The following PRKG1 variants were observed in gnomAD, a reference collection of about 807,000 sequenced individuals.
PRKG1 encodes cGMP-dependent protein kinase 1.
PRKG1 carries 35 observed loss-of-function variants against 88.1 expected under a neutral mutation model. The observed-to-expected ratio is 0.40, with a 90% CI of 0.30 to 0.53. PRKG1 has a LOEUF of 0.53. Among genes scored for constraint, PRKG1 ranks in the 20% least tolerant of loss-of-function variants. PRKG1 has a pLI of 0.59. For missense variants in PRKG1, 540 were observed against 839.8 expected (o/e 0.64, Z 4.41); for synonymous variants, 303 against 292.5 (o/e 1.04, Z -0.37).
chr10:51,569,483 GTAA>G (rs1207379972), intron 3 of PRKG1, among the ~76,000 whole-genome samples: 3 of 152,044 alleles, frequency 2.0e-5, no homozygotes, highest in African/African-American at 7.2e-5. Context: ...TATTATAGTA[GTAA>G]TAATAATATC....
intron 2 of PRKG1, among the ~76,000 whole-genome samples, chr10:51,286,306 A>G (rs936913948): frequency 5.3e-5 from 8 of 152,150 alleles, no homozygotes; most frequent in Admixed American, 6.6e-5. Flanking sequence ...TTTCATGTTT[A>G]CAATAATGTG....
At chr10:51,160,576 C>G in intron 2 of PRKG1, among the ~76,000 whole-genome samples, 1 of 152,164 alleles carries the variant, frequency 6.6e-6, no homozygotes, top group East Asian at 1.9e-4. Flanking sequence ...CTGATTGTCT[C>G]TCATATCCAG....
intron 2 of PRKG1, among the ~76,000 whole-genome samples, chr10:51,416,729 C>T (rs773318102): frequency 1.3e-5 from 2 of 152,138 alleles, no homozygotes; most frequent in East Asian, 1.9e-4. Context: ...AAGAGGGTCA[C>T]GTACATTTGC....
intron 4 of PRKG1, among the ~76,000 whole-genome samples, chr10:51,875,934 CCTTTCTTTTCTTT>C (rs145412769): frequency 0.13 from 20,079 of 150,686 alleles, 1,381 homozygotes; most frequent in Admixed American, 0.18. Flanking sequence ...CTCCTTTATT[CCTTTCTTTTCTTT>C]CTTTCTTTTT....
chr10:51,413,733 G>A (rs748654041), intron 2 of PRKG1, among the ~76,000 whole-genome samples: 2 of 152,172 alleles, frequency 1.3e-5, no homozygotes, highest in Non-Finnish European at 2.9e-5. Flanking sequence ...AGATTGAATG[G>A]CACTTTAGAA....
chr10:51,107,589 C>T (rs1205315286), intron 1 of PRKG1, among the ~76,000 whole-genome samples: 2 of 151,882 alleles, frequency 1.3e-5, no homozygotes, highest in African/African-American at 4.8e-5. Context: ...ATAATCCCAG[C>T]ACTTTGGGAG....
chr10:51,022,686 T>A (rs1304813093), intron 1 of PRKG1, among the ~76,000 whole-genome samples: 1 of 152,186 alleles, frequency 6.6e-6, no homozygotes, highest in Non-Finnish European at 1.5e-5. Context: ...TATTATTATT[T>A]TTCCCCAAAA....
intron 3 of PRKG1, among the ~76,000 whole-genome samples, chr10:51,575,120 T>C (rs1837851720): frequency 6.6e-6 from 1 of 152,006 alleles, no homozygotes; most frequent in Non-Finnish European, 1.5e-5. Flanking sequence ...GAGGGAGCCC[T>C]ATATACAGTG....
intron 10 of PRKG1, among the ~76,000 whole-genome samples, chr10:52,270,216 A>T (rs1031851452): frequency 1.3e-5 from 2 of 152,118 alleles, no homozygotes; most frequent in African/African-American, 4.8e-5. Flanking sequence ...TAGAAATGTT[A>T]ACAACAGGTG....
chr10:52,124,352 T>C (rs1392172823), intron 7 of PRKG1, among the ~76,000 whole-genome samples: 1 of 152,230 alleles, frequency 6.6e-6, no homozygotes, highest in African/African-American at 2.4e-5. Context: ...AGCATGTGAC[T>C]GTACTGAATA....
At chr10:51,882,236 A>C (rs1363378601) in intron 4 of PRKG1, among the ~76,000 whole-genome samples, 1 of 152,210 alleles carries the variant, frequency 6.6e-6, no homozygotes. Flanking sequence ...AGATTCCCAA[A>C]GTCCCCCCAG....
chr10:51,554,337 T>TAATATATACACACA (rs1837250373), intron 3 of PRKG1, among the ~76,000 whole-genome samples: 1 of 83,582 alleles, frequency 1.2e-5, no homozygotes, highest in Admixed American at 1.4e-4. Flanking sequence ...CACACATATA[T>TAATATATACACACA]TATATACACA....
At chr10:52,271,203 C>G in intron 10 of PRKG1, 147 bp from the exon 11 acceptor site, 1 of 784,178 alleles carries the variant, frequency 1.3e-6, no homozygotes, top group Non-Finnish European at 1.9e-6. Context: ...GGATGTTAAA[C>G]GCAGCTCTAC....
intron 2 of PRKG1, among the ~76,000 whole-genome samples, chr10:51,406,638 T>A (rs1347942996): frequency 7.1e-6 from 1 of 140,642 alleles, no homozygotes; most frequent in Non-Finnish European, 1.6e-5. Flanking sequence ...TTTTTTTTTT[T>A]ATGAGACCCT....
intron 5 of PRKG1, among the ~76,000 whole-genome samples, chr10:51,933,259 A>T (rs1182021073): frequency 6.6e-6 from 1 of 152,126 alleles, no homozygotes; most frequent in African/African-American, 2.4e-5. Flanking sequence ...ATTTCTTTTT[A>T]AGCCAAAAAA....
chr10:51,323,177 A>T (rs1370269352), intron 2 of PRKG1, among the ~76,000 whole-genome samples: 6 of 152,242 alleles, frequency 3.9e-5, no homozygotes, highest in Admixed American at 3.3e-4. Flanking sequence ...TTTTGTGAGC[A>T]TACTATTAGC....
intron 3 of PRKG1, among the ~76,000 whole-genome samples, chr10:51,763,190 T>C (rs1197104604): frequency 6.6e-6 from 1 of 152,174 alleles, no homozygotes. Context: ...TCTTACCATG[T>C]ACTTGTAAGG....
chr10:51,668,600 A>G (rs114977841), intron 3 of PRKG1, among the ~76,000 whole-genome samples: 76 of 152,318 alleles, frequency 5.0e-4, no homozygotes, highest in African/African-American at 1.7e-3. Flanking sequence ...GTTAAACATG[A>G]AAATACATGT....
chr10:51,563,772 A>G (rs1837530511), intron 3 of PRKG1, among the ~76,000 whole-genome samples: 1 of 152,164 alleles, frequency 6.6e-6, no homozygotes, highest in African/African-American at 2.4e-5. Context: ...ACCCAAACAA[A>G]TACTAATCTC....
Sources: allele counts gnomAD v4.1 joint callset (sites outside exome capture counted in the v4.1 genomes callset), GRCh38; gene constraint gnomAD v4.1.1; transcripts MANE v1.5; gene names NCBI Gene and HGNC (gene_info 2026-07-23, HGNC 2026-07-21).